Variants in DHRSX observed in about 807,000 individuals in gnomAD.
DHRSX encodes the protein polyprenol dehydrogenase.
A neutral mutation model predicts 34.0 loss-of-function variants in DHRSX; 31 were observed. The observed-to-expected ratio is 0.91, with a 90% CI of 0.69 to 1.23. DHRSX has a LOEUF of 1.23. Ranked by LOEUF, DHRSX falls within the 50% of genes most tolerant of loss-of-function variation. The pLI is 0.00. For missense variants in DHRSX, 414 were observed against 428.1 expected (o/e 0.97, Z 0.29); for synonymous variants, 201 against 183.8 (o/e 1.09, Z -0.76).
intron 1 of DHRSX, among the ~76,000 whole-genome samples, chrX:2,468,018 G>A (rs753688793): frequency 4.9e-4 from 74 of 151,260 alleles, no homozygotes; most frequent in African/African-American, 1.7e-3. Context: ...AATGCAGCCA[G>A]GGATGGAAGC....
intron 4 of DHRSX, among the ~76,000 whole-genome samples, chrX:2,267,816 C>T (rs961217276): frequency 1.3e-5 from 2 of 151,724 alleles, no homozygotes; most frequent in African/African-American, 2.4e-5. Context: ...TGTGGTGGTG[C>T]GTGCCTGTAG....
At chrX:2,448,941 C>T in intron 1 of DHRSX, among the ~76,000 whole-genome samples, 1 of 152,302 alleles carries the variant, frequency 6.6e-6, no homozygotes, top group East Asian at 1.9e-4. Flanking sequence ...GTCATCCCAG[C>T]ACTTTGGGAG....
rs182387685 is a variant in DHRSX, at chrX:2,264,101, C to A, written c.596+2639G>T. Among the ~76,000 whole-genome samples, 349 of 152,346 alleles carry A rather than the reference C, an allele frequency of 2.3e-3. 2 individuals carry two copies. The highest frequency in any genetic ancestry group is 4.2e-3 in the Non-Finnish European group (284 of 68,032). On this transcript the variant is annotated intron_variant, in intron 5 of 6. Coordinates refer to ENST00000334651, the MANE Select transcript of DHRSX (RefSeq NM_145177.3). ...AAAATAAAGTAACAATACCATCGCA[C>A]ATTGCTAAGTTGCCCAAGGACAGCA...
At chrX:2,422,076 G>T (rs1008051566) in intron 2 of DHRSX, among the ~76,000 whole-genome samples, 1 of 152,100 alleles carries the variant, frequency 6.6e-6, no homozygotes, top group Non-Finnish European at 1.5e-5. Context: ...AGGCATTCAA[G>T]GCCCAGAAAA....
At chrX:2,333,973 C>T (rs1333201701) in intron 3 of DHRSX, among the ~76,000 whole-genome samples, 1 of 152,002 alleles carries the variant, frequency 6.6e-6, no homozygotes, top group African/African-American at 2.4e-5. Context: ...GTACATGTAC[C>T]ACATTTTCTT....
intron 3 of DHRSX, among the ~76,000 whole-genome samples, chrX:2,364,710 TTATTATC>T (rs2042977535): frequency 7.5e-6 from 1 of 133,264 alleles, no homozygotes; most frequent in Non-Finnish European, 1.8e-5. Flanking sequence ...TATTTACCAT[TTATTATC>T]TATCAAGTAC....
intron 5 of DHRSX, among the ~76,000 whole-genome samples, chrX:2,245,306 A>C (rs1309002678): frequency 6.6e-6 from 1 of 151,876 alleles, no homozygotes; most frequent in Non-Finnish European, 1.5e-5. Flanking sequence ...CTTTTCAAGG[A>C]CTATACTTCT....
Position 2,220,981 on chromosome X carries a change from C to A in DHRSX, c.*60G>T. The A allele has an allele frequency of 1.3e-6, 2 of 1,554,780 alleles. No individual in the cohort carries two copies. The highest frequency in any genetic ancestry group is 8.8e-7 in the Non-Finnish European group (1 of 1,137,726). ...TCAAACACCGCAGTCTTCACAGACC[C>A]ACAAGCTATTGGCAGGTGCAATGTG... On this transcript the variant is annotated 3_prime_UTR_variant, in exon 7 of 7. Transcript: ENST00000334651.
At chrX:2,398,105 G>A (rs1487523610) in intron 3 of DHRSX, among the ~76,000 whole-genome samples, 1 of 152,150 alleles carries the variant, frequency 6.6e-6, no homozygotes, top group African/African-American at 2.4e-5. Context: ...AAGGGGGCTC[G>A]CTTGCAGACC....
At chrX:2,496,857 G>A (rs1442853288) in intron 1 of DHRSX, among the ~76,000 whole-genome samples, 1 of 147,014 alleles carries the variant, frequency 6.8e-6, no homozygotes, top group African/African-American at 2.5e-5. Flanking sequence ...TATATTTATA[G>A]AAAAGTATAA....
intron 3 of DHRSX, among the ~76,000 whole-genome samples, chrX:2,344,872 C>CATATATATATAT (rs775259345): frequency 1.3e-4 from 13 of 98,354 alleles, no homozygotes; most frequent in South Asian, 8.2e-4. Flanking sequence ...TAAAAAGAAG[C>CATATATATATAT]ATATATATAT....
chrX:2,339,986 C>T (rs2042620218), intron 3 of DHRSX, among the ~76,000 whole-genome samples: 1 of 152,142 alleles, frequency 6.6e-6, no homozygotes, highest in African/African-American at 2.4e-5. Flanking sequence ...CTCCCACCAA[C>T]AGTGTAAAAC....
chrX:2,269,264 A>G (rs1391877749), intron 4 of DHRSX, among the ~76,000 whole-genome samples: 1 of 152,190 alleles, frequency 6.6e-6, no homozygotes, highest in Non-Finnish European at 1.5e-5. Context: ...TATGTATTTT[A>G]TATCTACACA....
chrX:2,371,620 TC>T (rs1255357309), intron 3 of DHRSX, among the ~76,000 whole-genome samples: 1 of 137,058 alleles, frequency 7.3e-6, no homozygotes, highest in African/African-American at 2.8e-5. Flanking sequence ...CTGTTACCAG[TC>T]CTTCCTCCTC....
chrX:2,301,932 G>A (rs1004950758), intron 3 of DHRSX, among the ~76,000 whole-genome samples: 8 of 151,970 alleles, frequency 5.3e-5, no homozygotes, highest in South Asian at 2.1e-4. Context: ...CACCTCACCC[G>A]GCCTCATCTA....
chrX:2,457,478 T>G (rs1170697607), intron 1 of DHRSX, among the ~76,000 whole-genome samples: 1 of 147,802 alleles, frequency 6.8e-6, no homozygotes, highest in Non-Finnish European at 1.5e-5. Flanking sequence ...CTGAAGACAT[T>G]CCCTAAGATG....
Position 2,273,941 on chromosome X carries a change from G to A in DHRSX, c.389-6994C>T, listed in dbSNP as rs1437623803. 3.9e-5 allele frequency among the ~76,000 whole-genome samples: 6 copies of A among 152,300 alleles called. No individual in the cohort carries two copies. The East Asian group carries it at 7.7e-4, about 20-fold the overall frequency. ...GGGGAAGCTGCGTGAGAATTCCTGC[G>A]CCGTGGTGAATGCAGCAGCCACGCG... On this transcript the variant is annotated intron_variant, in intron 4 of 6. Coordinates refer to ENST00000334651, the MANE Select transcript of DHRSX (RefSeq NM_145177.3).
At chrX:2,368,737 C>T (rs2043023179) in intron 3 of DHRSX, among the ~76,000 whole-genome samples, 1 of 152,110 alleles carries the variant, frequency 6.6e-6, no homozygotes, top group East Asian at 1.9e-4. Context: ...GTAATCCCAG[C>T]TACTCAGGAG....
intron 4 of DHRSX, among the ~76,000 whole-genome samples, chrX:2,283,494 G>C (rs902584944): frequency 2.6e-5 from 4 of 152,136 alleles, no homozygotes; most frequent in Non-Finnish European, 5.9e-5. Context: ...CTTCCCGGGA[G>C]GGAGACCAGA....
Sources: allele counts gnomAD v4.1 joint callset (sites outside exome capture counted in the v4.1 genomes callset), GRCh38; gene constraint gnomAD v4.1.1; transcripts MANE v1.5; gene names NCBI Gene and HGNC (gene_info 2026-07-23, HGNC 2026-07-21).